Variants in CMSS1 observed in about 807,000 individuals in gnomAD.
The protein encoded by CMSS1 is protein CMSS1.
CMSS1 carries 33 observed loss-of-function variants against 43.5 expected under a neutral mutation model. That is an observed-to-expected ratio of 0.76 (90% CI 0.57 to 1.01). The LOEUF is 1.01. Among genes scored for constraint, CMSS1 ranks in the 50% least tolerant of loss-of-function variants. The pLI is 0.00. For synonymous variants in CMSS1, 115 were observed against 117.2 expected, an observed-to-expected ratio of 0.98 and a Z score of 0.12; for missense variants, 313 against 326.4, an observed-to-expected ratio of 0.96 and a Z score of 0.32.
intron 2 of CMSS1, among the ~76,000 whole-genome samples, chr3:100,154,860 T>C (rs1024603867): frequency 2.0e-5 from 3 of 152,018 alleles, no homozygotes; most frequent in Non-Finnish European, 2.9e-5. Flanking sequence ...TAATCCCAGC[T>C]ACTCAGGAGG....
intron 1 of CMSS1, among the ~76,000 whole-genome samples, chr3:99,913,992 T>G (rs1576568938): frequency 6.6e-6 from 1 of 152,282 alleles, no homozygotes; most frequent in South Asian, 2.1e-4. Flanking sequence ...GAAGTGAGGA[T>G]TGGCAAGTAG....
At chr3:99,991,923 T>G (rs1446404770) in intron 1 of CMSS1, among the ~76,000 whole-genome samples, 1 of 149,544 alleles carries the variant, frequency 6.7e-6, no homozygotes, top group Non-Finnish European at 1.5e-5. Context: ...TAGGTATATA[T>G]ACACACATAT....
intron 1 of CMSS1, among the ~76,000 whole-genome samples, chr3:100,139,311 A>C (rs1243944688): frequency 6.6e-6 from 1 of 152,088 alleles, no homozygotes; most frequent in Non-Finnish European, 1.5e-5. Context: ...CTGGCACGTA[A>C]AGTAAAACAA....
chr3:100,043,276 A>G (rs1276659233), intron 1 of CMSS1, among the ~76,000 whole-genome samples: 1 of 152,206 alleles, frequency 6.6e-6, no homozygotes, highest in Non-Finnish European at 1.5e-5. Flanking sequence ...TATGCAGAAA[A>G]TCATGTCCAG....
intron 1 of CMSS1, among the ~76,000 whole-genome samples, chr3:100,138,897 G>A (rs2066778441): frequency 6.6e-6 from 1 of 152,222 alleles, no homozygotes; most frequent in Non-Finnish European, 1.5e-5. Context: ...GCACGCGTAT[G>A]TTTATTGCAG....
intron 1 of CMSS1, among the ~76,000 whole-genome samples, chr3:99,943,943 A>G (rs1489224172): frequency 6.6e-6 from 1 of 152,226 alleles, no homozygotes; most frequent in East Asian, 1.9e-4. Context: ...AGGATTAGAG[A>G]TGACACATAC....
chr3:99,848,320 G>A, intron 1 of CMSS1: 1 of 1,614,104 alleles, frequency 6.2e-7, no homozygotes, highest in South Asian at 1.1e-5. Context: ...TCGAGGAAGA[G>A]GTGTGGCTGT....
intron 1 of CMSS1, among the ~76,000 whole-genome samples, chr3:99,911,636 A>G (rs192525644): frequency 3.3e-5 from 5 of 152,206 alleles, no homozygotes; most frequent in African/African-American, 1.2e-4. Context: ...TGCTAAGTCT[A>G]CTCAGCCTTG....
chr3:100,093,772 A>C (rs1211342804), intron 1 of CMSS1, among the ~76,000 whole-genome samples: 2 of 152,222 alleles, frequency 1.3e-5, no homozygotes, highest in Admixed American at 1.3e-4. Flanking sequence ...TGTCACTTCA[A>C]AAACAGTATA....
At chr3:99,833,317 A>G (rs1942762584) in intron 1 of CMSS1, 2 of 1,470,786 alleles carry the variant, frequency 1.4e-6, no homozygotes, top group Non-Finnish European at 1.9e-6. Context: ...AAATTCTAAA[A>G]GTGTTGGTTT....
chr3:99,960,740 T>G (rs4244713), intron 1 of CMSS1, among the ~76,000 whole-genome samples: 111,760 of 152,068 alleles, frequency 0.73, 41,782 homozygotes, highest in African/African-American at 0.88. Flanking sequence ...CTTTCCTTTG[T>G]ATGAAGTAGT....
intron 1 of CMSS1, among the ~76,000 whole-genome samples, chr3:100,033,114 C>A (rs2065046929): frequency 6.6e-6 from 1 of 151,860 alleles, no homozygotes; most frequent in Admixed American, 6.6e-5. Flanking sequence ...TGCTGGATAG[C>A]ATTACTTTAT....
chr3:100,152,233 T>C (rs920684104), intron 2 of CMSS1, among the ~76,000 whole-genome samples: 2 of 151,766 alleles, frequency 1.3e-5, no homozygotes, highest in Non-Finnish European at 2.9e-5. Flanking sequence ...AAAAGCAGAA[T>C]GGGTTTGCAA....
chr3:100,129,509 A>C (rs992475070), intron 1 of CMSS1, among the ~76,000 whole-genome samples: 13 of 152,194 alleles, frequency 8.5e-5, no homozygotes, highest in Admixed American at 7.9e-4. Context: ...GTCACACAAA[A>C]CAGTAATCTC....
At chr3:100,109,687 G>C (rs2066455624) in intron 1 of CMSS1, among the ~76,000 whole-genome samples, 1 of 152,094 alleles carries the variant, frequency 6.6e-6, no homozygotes. Flanking sequence ...TCATAGTATT[G>C]ATATACTATA....
chr3:99,847,148 C>A (rs1559654197), intron 1 of CMSS1, among the ~76,000 whole-genome samples: 1 of 151,796 alleles, frequency 6.6e-6, no homozygotes, highest in Admixed American at 6.6e-5. Context: ...TTTAAATATG[C>A]CTTTTCTATA....
chr3:100,109,266 C>G (rs1290596740), intron 1 of CMSS1, among the ~76,000 whole-genome samples: 1 of 151,948 alleles, frequency 6.6e-6, no homozygotes, highest in African/African-American at 2.4e-5. Context: ...CATACAACAC[C>G]AAAGCAGGAT....
At position 100,156,899 on chromosome 3, in the gene CMSS1, G is replaced by A. The variant is rs556515623; in HGVS notation, c.154-3531G>A. On this transcript the variant is annotated intron_variant, in intron 2 of 9. Coordinates refer to ENST00000421999, the MANE Select transcript of CMSS1 (RefSeq NM_032359.4). ...CAAAGTGCTGGGATTACAGGTGTGA[G>A]CCACCACGCCTGGCTGTTTTTTGTT... 2.0e-5 allele frequency among the ~76,000 whole-genome samples: 3 copies of A among 152,284 alleles called. No individual in the cohort carries two copies. The East Asian group carries it at 5.8e-4, about 29-fold the overall frequency.
chr3:99,994,487 A>T (rs966421896), intron 1 of CMSS1, among the ~76,000 whole-genome samples: 16 of 152,264 alleles, frequency 1.1e-4, no homozygotes, highest in African/African-American at 3.6e-4. Flanking sequence ...GTTAGGCCAC[A>T]AAACAAGTCT....
Sources: allele counts gnomAD v4.1 joint callset (sites outside exome capture counted in the v4.1 genomes callset), GRCh38; gene constraint gnomAD v4.1.1; transcripts MANE v1.5; gene names NCBI Gene and HGNC (gene_info 2026-07-23, HGNC 2026-07-21).